ASIC2: variants seen among roughly 807,000 people sequenced by gnomAD.
The protein encoded by ASIC2 is acid sensing ion channel subunit 2, also known as acid-sensing ion channel 2.
In ASIC2, 25 loss-of-function variants were observed where a neutral mutation model predicts 57.3. The observed-to-expected ratio is 0.44, with a 90% CI of 0.32 to 0.61. The LOEUF is 0.61. ASIC2 is among the 20% of genes least tolerant of loss of function. The pLI is 0.06. For synonymous variants in ASIC2, 319 were observed against 307.5 expected, an observed-to-expected ratio of 1.04 and a Z score of -0.39; for missense variants, 641 against 738.1, an observed-to-expected ratio of 0.87 and a Z score of 1.52.
intron 1 of ASIC2, among the ~76,000 whole-genome samples, chr17:33,496,909 T>G (rs767209591): frequency 6.6e-6 from 1 of 152,164 alleles, no homozygotes; most frequent in Non-Finnish European, 1.5e-5. Context: ...TGAGCCACCA[T>G]GCCTGGCCTA....
chr17:33,689,933 G>T (rs753292320), intron 1 of ASIC2, among the ~76,000 whole-genome samples: 38 of 152,334 alleles, frequency 2.5e-4, no homozygotes, highest in Non-Finnish European at 4.1e-4. Flanking sequence ...CCTCCAGAGG[G>T]CGTGCAGCCC....
At chr17:33,288,714 T>TCACACACACACA in intron 1 of ASIC2, among the ~76,000 whole-genome samples, 1 of 91,620 alleles carries the variant, frequency 1.1e-5, no homozygotes, top group East Asian at 2.8e-4. Flanking sequence ...GAGCTCTCTC[T>TCACACACACACA]GACACACACA....
At chr17:33,373,988 T>A (rs183451295) in intron 1 of ASIC2, among the ~76,000 whole-genome samples, 3 of 151,916 alleles carry the variant, frequency 2.0e-5, no homozygotes, top group East Asian at 1.9e-4. Flanking sequence ...GTTCTTTATT[T>A]TTTATTTATT....
intron 1 of ASIC2, among the ~76,000 whole-genome samples, chr17:34,139,956 A>G (rs894287089): frequency 1.1e-4 from 16 of 152,190 alleles, no homozygotes; most frequent in African/African-American, 3.9e-4. Context: ...TGTGATGTGG[A>G]TTGGGGGGGT....
intron 3 of ASIC2, among the ~76,000 whole-genome samples, chr17:33,054,255 G>A (rs2091989055): frequency 6.6e-6 from 1 of 152,114 alleles, no homozygotes; most frequent in African/African-American, 2.4e-5. Context: ...TTTTGGGGAG[G>A]TAGGTAGGTG....
At chr17:33,379,289 G>C (rs1320901980) in intron 1 of ASIC2, among the ~76,000 whole-genome samples, 7 of 152,026 alleles carry the variant, frequency 4.6e-5, no homozygotes, top group African/African-American at 1.7e-4. Context: ...CTGTAAAAGG[G>C]GGCTGATAAT....
At chr17:33,640,430 T>C (rs767318973) in intron 1 of ASIC2, among the ~76,000 whole-genome samples, 1 of 152,180 alleles carries the variant, frequency 6.6e-6, no homozygotes, top group Non-Finnish European at 1.5e-5. Flanking sequence ...TTCATTTCTT[T>C]GCAAAAAAAC....
intron 1 of ASIC2, among the ~76,000 whole-genome samples, chr17:33,596,822 T>A (rs1292297140): frequency 6.6e-6 from 1 of 152,230 alleles, no homozygotes; most frequent in African/African-American, 2.4e-5. Flanking sequence ...ACAGTCTCAT[T>A]TGAATTGTAC....
chr17:34,054,980 G>A (rs572117589), intron 1 of ASIC2, among the ~76,000 whole-genome samples: 1 of 152,274 alleles, frequency 6.6e-6, no homozygotes, highest in South Asian at 2.1e-4. Flanking sequence ...AAGAAGAGAG[G>A]TCCATCCAAA....
chr17:33,821,359 G>A (rs1327384924), intron 1 of ASIC2, among the ~76,000 whole-genome samples: 1 of 152,080 alleles, frequency 6.6e-6, no homozygotes, highest in Non-Finnish European at 1.5e-5. Context: ...AAGCCTTCTC[G>A]TCCAAACACT....
At chr17:33,478,013 A>G (rs1913285003) in intron 1 of ASIC2, among the ~76,000 whole-genome samples, 1 of 152,220 alleles carries the variant, frequency 6.6e-6, no homozygotes, top group Admixed American at 6.5e-5. Flanking sequence ...GTGATTTAAA[A>G]AAATGATCTT....
chr17:33,411,836 A>G (rs1438596559), intron 1 of ASIC2, among the ~76,000 whole-genome samples: 3 of 152,194 alleles, frequency 2.0e-5, no homozygotes, highest in Non-Finnish European at 4.4e-5. Flanking sequence ...AATCACGTCC[A>G]CTTTACATTG....
At chr17:33,269,377 T>A (rs1904352676) in intron 1 of ASIC2, among the ~76,000 whole-genome samples, 1 of 152,142 alleles carries the variant, frequency 6.6e-6, no homozygotes, top group Non-Finnish European at 1.5e-5. Flanking sequence ...AAATGATGTA[T>A]CAAGTGGTGT....
chr17:33,246,887 A>C (rs1390787425), intron 1 of ASIC2, among the ~76,000 whole-genome samples: 3 of 152,182 alleles, frequency 2.0e-5, no homozygotes, highest in Non-Finnish European at 4.4e-5. Flanking sequence ...AGGGTTCCCC[A>C]GCACAGCCAG....
intron 1 of ASIC2, among the ~76,000 whole-genome samples, chr17:33,165,456 T>G (rs571890341): frequency 9.9e-4 from 150 of 151,484 alleles, no homozygotes; most frequent in Non-Finnish European, 3.0e-4. Context: ...CTTCTAAGGG[T>G]GTGTGTGTGT....
At chr17:33,682,226 AT>A (rs72139419) in intron 1 of ASIC2, among the ~76,000 whole-genome samples, 31,951 of 145,590 alleles carry the variant, frequency 0.22, 3,930 homozygotes, top group African/African-American at 0.36. Flanking sequence ...TGCCTGGCTA[AT>A]TTTTTTTTTT....
chr17:33,754,769 A>T (rs1157242828), intron 1 of ASIC2, among the ~76,000 whole-genome samples: 1 of 152,022 alleles, frequency 6.6e-6, no homozygotes, highest in Non-Finnish European at 1.5e-5. Context: ...ATCCTGGCCA[A>T]CATGGTGAAA....
At chr17:33,942,806 C>T (rs1257813342) in intron 1 of ASIC2, among the ~76,000 whole-genome samples, 1 of 152,266 alleles carries the variant, frequency 6.6e-6, no homozygotes, top group South Asian at 2.1e-4. Flanking sequence ...GGCCAGCTAC[C>T]ATCCCAGTTT....
Position 33,506,573 on chromosome 17 carries a change from G to GGT in ASIC2, c.556-394508_556-394507dup, listed in dbSNP as rs372142173. The stretch of plus-strand genomic sequence containing the variant: ...TCCCTTGATTAGCACTAATTATGGG[G>GGT]GTGTGTGTGTGTGTACCGTGTACAT... On this transcript the variant is annotated intron_variant, in intron 1 of 9. Transcript: ENST00000359872. Among the ~76,000 whole-genome samples, 26 of 151,762 alleles carry GGT rather than the reference G, an allele frequency of 1.7e-4. 1 individual carries two copies. In the South Asian group the frequency reaches 4.6e-3, roughly 27 times the overall value.
Sources: gnomAD v4.1 joint callset for allele counts (sites outside exome capture counted in the v4.1 genomes callset) on GRCh38, gnomAD v4.1.1 for gene constraint, MANE v1.5 for transcripts, NCBI Gene and HGNC (gene_info 2026-07-23, HGNC 2026-07-21) for gene names.